Variants in GALNT16 observed in about 807,000 individuals in gnomAD.
The protein encoded by GALNT16 is UDP-GalNAc:polypeptide N-acetylgalactosaminyltransferase-like protein 1.
GALNT16 carries 40 observed loss-of-function variants against 76.1 expected under a neutral mutation model. The observed-to-expected ratio is 0.53, with a 90% CI of 0.41 to 0.68. GALNT16 has a LOEUF of 0.68. GALNT16 is among the 30% of genes least tolerant of loss of function. The probability of loss-of-function intolerance (pLI) is 0.00; values close to 1 mark genes in which losing one functional copy is unlikely to be tolerated. For synonymous variants in GALNT16, 276 were observed against 285.2 expected, an observed-to-expected ratio of 0.97 and a Z score of 0.32; for missense variants, 621 against 731.9, an observed-to-expected ratio of 0.85 and a Z score of 1.75.
At chr14:69,360,639 A>G (rs1432200224), downstream of GALNT16, among the ~76,000 whole-genome samples, 2 of 151,054 alleles carry the variant, frequency 1.3e-5, no homozygotes, top group African/African-American at 4.9e-5. Flanking sequence ...AGAAGAAAAG[A>G]GAAGAGAGGA....
At chr14:69,268,065 T>C (rs989044234) in intron 1 of GALNT16, among the ~76,000 whole-genome samples, 1 of 152,178 alleles carries the variant, frequency 6.6e-6, no homozygotes, top group East Asian at 1.9e-4. Context: ...CCTTGAAACA[T>C]TGTCTGATGG....
chr14:69,370,089 T>C, the GALNT16 span, among the ~76,000 whole-genome samples: 4 of 152,192 alleles, frequency 2.6e-5, no homozygotes, highest in Admixed American at 2.6e-4. Flanking sequence ...GGTTGTTAAA[T>C]GTCACCAGAA....
At chr14:69,345,011 T>C (rs921611736) in intron 12 of GALNT16, among the ~76,000 whole-genome samples, 2 of 152,098 alleles carry the variant, frequency 1.3e-5, no homozygotes, top group Non-Finnish European at 1.5e-5. Flanking sequence ...TAGAGAGTTG[T>C]GGGGACTGGG....
At chr14:69,277,707 A>T (rs2044490910) in intron 1 of GALNT16, among the ~76,000 whole-genome samples, 1 of 152,248 alleles carries the variant, frequency 6.6e-6, no homozygotes, top group Non-Finnish European at 1.5e-5. Context: ...TCTTTATAGC[A>T]GCATGATTTA....
chr14:69,289,800 G>A (rs964394186), intron 1 of GALNT16, among the ~76,000 whole-genome samples: 2 of 152,106 alleles, frequency 1.3e-5, no homozygotes, highest in African/African-American at 4.8e-5. Context: ...GTGCTGTGGC[G>A]CGGTCTCACT....
intron 1 of GALNT16, among the ~76,000 whole-genome samples, chr14:69,281,247 A>T (rs983122102): frequency 6.6e-6 from 1 of 152,182 alleles, no homozygotes; most frequent in African/African-American, 2.4e-5. Flanking sequence ...ACTTTCTCTG[A>T]TTTAATGCAG....
At chr14:69,374,562 T>C in the GALNT16 span, among the ~76,000 whole-genome samples, 1 of 152,260 alleles carries the variant, frequency 6.6e-6, no homozygotes, top group African/African-American at 2.4e-5. Flanking sequence ...AGACTGTGAG[T>C]CCACCACAGA....
Position 69,347,037 on chromosome 14 carries a change from C to T in GALNT16, c.1272-3C>T. The T allele has an allele frequency of 1.9e-6, 3 of 1,614,072 alleles. No homozygotes were observed. The highest frequency in any genetic ancestry group is 2.5e-6 in the Non-Finnish European group (3 of 1,179,970). Reference sequence around the variant, plus strand: ...CAAGCCTGACTGCTGCCTTTTCTCTCAGGGTCCCCGTGAAGGAAGCACTCC... The same window carrying T: ...CAAGCCTGACTGCTGCCTTTTCTCTTAGGGTCCCCGTGAAGGAAGCACTCC... On this transcript the variant is annotated splice_polypyrimidine_tract_variant and splice_region_variant and intron_variant, in intron 12 of 14. Transcript: ENST00000448469.
chr14:69,272,002 A>G (rs973403126), intron 1 of GALNT16, among the ~76,000 whole-genome samples: 4 of 152,154 alleles, frequency 2.6e-5, no homozygotes, highest in East Asian at 1.9e-4. Context: ...ACTTGCATAC[A>G]TGGCTTGCAG....
At chr14:69,346,880 C>A (rs1339099435) in intron 12 of GALNT16, among the ~76,000 whole-genome samples, 160 bp from the exon 13 acceptor site, 3 of 152,182 alleles carry the variant, frequency 2.0e-5, no homozygotes, top group African/African-American at 7.2e-5. Flanking sequence ...CCAGAGGCCA[C>A]TCCTGCTCCT....
At position 69,313,117 on chromosome 14, in the gene GALNT16, G is replaced by T. The variant is rs1455052; in HGVS notation, c.178-7594G>T. On this transcript the variant is annotated intron_variant, in intron 1 of 14. Coordinates refer to ENST00000448469, the MANE Select transcript of GALNT16 (RefSeq NM_001168368.2). ...CCCTTGGCATAGCACCCAGTGCACA[G>T]TAGACCCTCAATGAGCCGTCAGCAT... Among the ~76,000 whole-genome samples the T allele has an allele frequency of 6.0e-3, 913 of 152,322 alleles. 14 individuals carry two copies. Among genetic ancestry groups the T allele is most frequent in the African/African-American group, 0.021 (863 of 41,564 alleles).
chr14:69,271,413 G>GCCA (rs2044406144), intron 1 of GALNT16, among the ~76,000 whole-genome samples: 2 of 152,190 alleles, frequency 1.3e-5, no homozygotes, highest in Non-Finnish European at 2.9e-5. Flanking sequence ...GAGGAAAACT[G>GCCA]GGCATAAGGT....
intron 1 of GALNT16, among the ~76,000 whole-genome samples, chr14:69,294,605 C>G (rs1367795403): frequency 6.6e-6 from 1 of 152,128 alleles, no homozygotes; most frequent in Non-Finnish European, 1.5e-5. Context: ...CAGTCACTTC[C>G]CCTTCCCACC....
At chr14:69,295,941 C>T (rs1466866292) in intron 1 of GALNT16, among the ~76,000 whole-genome samples, 1 of 152,092 alleles carries the variant, frequency 6.6e-6, no homozygotes, top group Non-Finnish European at 1.5e-5. Context: ...GTTCATGGAC[C>T]CTTCCAGAAT....
In GALNT16 at chr14:69,260,246, A is replaced by G; in HGVS notation, c.-45A>G. On this transcript the variant is annotated 5_prime_UTR_variant, in exon 1 of 15. Transcript: ENST00000448469. ...CGAGCGCCCCCGCCCCGGCCCCGAG[A>G]GCACGCCGGCCCAGTCCCCCACCTG... 1 of 1,465,874 alleles carries G rather than the reference A, an allele frequency of 6.8e-7. No individual in the cohort carries two copies. The highest frequency in any genetic ancestry group is 9.3e-7 in the Non-Finnish European group (1 of 1,076,052). The allele number at this position is 1,465,874 out of a possible 1,614,324, so 90.8% of individuals were successfully genotyped here. A position where few individuals can be genotyped will look rare whatever the true frequency, so the allele number is the denominator to read the frequency against.
Position 69,354,369 on chromosome 14 carries a change from C to T in GALNT16, c.*2201C>T, listed in dbSNP as rs1303974777. The stretch of plus-strand genomic sequence containing the variant: ...GCAACGCAGCCCTGTTCTGTTTTTG[C>T]TTTTCCTCTTCTTGACCAAAGCATG... On this transcript the variant is annotated 3_prime_UTR_variant, in exon 15 of 15. Coordinates refer to ENST00000448469, the MANE Select transcript of GALNT16 (RefSeq NM_001168368.2). 1 of 152,866 alleles carries T rather than the reference C, an allele frequency of 6.5e-6. No homozygotes were observed. 9.5% of individuals were successfully genotyped at this position (152,866 alleles called of 1,614,324 possible). A position where few individuals can be genotyped will look rare whatever the true frequency, so the allele number is the denominator to read the frequency against.
At chr14:69,379,236 G>T in the GALNT16 span, among the ~76,000 whole-genome samples, 1 of 152,016 alleles carries the variant, frequency 6.6e-6, no homozygotes, top group Non-Finnish European at 1.5e-5. Flanking sequence ...CACCGCACCC[G>T]GCCTATTTTA....
chr14:69,280,269 C>A (rs2044523009), intron 1 of GALNT16, among the ~76,000 whole-genome samples: 1 of 152,152 alleles, frequency 6.6e-6, no homozygotes, highest in African/African-American at 2.4e-5. Flanking sequence ...ACTCTAGGTA[C>A]CTCATATAAG....
At chr14:69,364,815 A>C in the GALNT16 span, among the ~76,000 whole-genome samples, 2 of 152,194 alleles carry the variant, frequency 1.3e-5, no homozygotes, top group Non-Finnish European at 2.9e-5. The surrounding 1 kb of genome is among the most constrained non-coding windows in gnomAD (Gnocchi z 4.2). Context: ...GGAAGGAGCC[A>C]AAGGAAGGGG....
Sources: gnomAD v4.1 joint callset for allele counts (sites outside exome capture counted in the v4.1 genomes callset) on GRCh38, gnomAD v4.1.1 for gene constraint, Gnocchi (gnomAD v3.1) non-coding constraint, MANE v1.5 for transcripts, NCBI Gene and HGNC (gene_info 2026-07-23, HGNC 2026-07-21) for gene names.